The following SHISA6 variants were observed in gnomAD, a reference collection of about 807,000 sequenced individuals.
SHISA6 encodes protein shisa-6.
In SHISA6, 22 loss-of-function variants were observed where a neutral mutation model predicts 47.9. The observed-to-expected ratio is 0.46, with a 90% CI of 0.33 to 0.66. The LOEUF (loss-of-function observed/expected upper bound fraction) is 0.66, where lower values mean the gene tolerates loss of function less well. SHISA6 is among the 30% of genes least tolerant of loss of function. The probability of loss-of-function intolerance (pLI) is 0.02; values close to 1 mark genes in which losing one functional copy is unlikely to be tolerated. For synonymous variants in SHISA6, 388 were observed against 337.8 expected (o/e 1.15, Z -1.63); for missense variants, 680 against 764.6 (o/e 0.89, Z 1.30).
At chr17:11,481,336 ATGTGTGTGTGTG>A (rs3038693) in intron 3 of SHISA6, among the ~76,000 whole-genome samples, 10 of 141,496 alleles carry the variant, frequency 7.1e-5, no homozygotes, top group African/African-American at 2.2e-4. Context: ...AAAAATATAT[ATGTGTGTGTGTG>A]TGTGTGTGTG....
At chr17:11,276,491 G>A (rs1276194696) in intron 2 of SHISA6, among the ~76,000 whole-genome samples, 1 of 152,128 alleles carries the variant, frequency 6.6e-6, no homozygotes, top group Non-Finnish European at 1.5e-5. Context: ...ATGATACAGT[G>A]AACACCCATA....
intron 3 of SHISA6, among the ~76,000 whole-genome samples, chr17:11,452,753 C>G (rs1370370768): frequency 6.7e-6 from 1 of 149,726 alleles, no homozygotes; most frequent in Admixed American, 6.7e-5. Flanking sequence ...TACTCTACCT[C>G]CTTCTCTTAC....
intron 3 of SHISA6, among the ~76,000 whole-genome samples, chr17:11,423,306 A>G (rs1382556899): frequency 1.2e-4 from 18 of 147,152 alleles, no homozygotes; most frequent in African/African-American, 4.0e-4. Flanking sequence ...ACATATATCT[A>G]TATATGCCTG....
chr17:11,413,737 C>T (rs909032071), intron 3 of SHISA6, among the ~76,000 whole-genome samples: 1 of 152,152 alleles, frequency 6.6e-6, no homozygotes, highest in African/African-American at 2.4e-5. Flanking sequence ...CAAAGGAGGG[C>T]AGAGCCATGT....
intron 2 of SHISA6, among the ~76,000 whole-genome samples, chr17:11,286,346 C>G (rs772863893): frequency 6.6e-6 from 1 of 152,160 alleles, no homozygotes; most frequent in African/African-American, 2.4e-5. Context: ...TTTTGCTATT[C>G]TCTGCCCTAG....
intron 3 of SHISA6, among the ~76,000 whole-genome samples, chr17:11,530,906 C>T (rs534119647): frequency 7.5e-4 from 114 of 152,276 alleles, no homozygotes; most frequent in Non-Finnish European, 6.5e-4. Flanking sequence ...TGGAACTGCA[C>T]GGCAAATGGT....
intron 3 of SHISA6, among the ~76,000 whole-genome samples, chr17:11,519,754 C>T (rs908710590): frequency 2.2e-4 from 34 of 152,128 alleles, no homozygotes; most frequent in Non-Finnish European, 4.1e-4. Context: ...TGGTTTCCAC[C>T]TCCCCCACGC....
rs539815133 is a variant in SHISA6, at chr17:11,344,603, C to A, written c.800-34811C>A. On this transcript the variant is annotated intron_variant, in intron 2 of 5. Coordinates refer to ENST00000441885, the MANE Select transcript of SHISA6 (RefSeq NM_207386.4). ...ATGTAAGGGTTTATTTCTGGACTCTCTTGCCTATTTCATTAATCTATAGGT... is the reference window on the plus strand; with the variant it reads ...ATGTAAGGGTTTATTTCTGGACTCTATTGCCTATTTCATTAATCTATAGGT... Among the ~76,000 whole-genome samples, 3 of 152,210 alleles carry A rather than the reference C, an allele frequency of 2.0e-5. No homozygotes were observed. In the South Asian group the frequency reaches 6.2e-4, roughly 32 times the overall value.
intron 3 of SHISA6, among the ~76,000 whole-genome samples, chr17:11,462,876 C>T (rs1054926578): frequency 1.3e-5 from 2 of 152,284 alleles, no homozygotes; most frequent in South Asian, 2.1e-4. Flanking sequence ...GATCTGCCCA[C>T]CTTGGCCTCC....
chr17:11,424,544 T>C (rs1914552051), intron 3 of SHISA6, among the ~76,000 whole-genome samples: 1 of 151,888 alleles, frequency 6.6e-6, no homozygotes, highest in Non-Finnish European at 1.5e-5. Context: ...CCTGCAATTA[T>C]AAAGCCCAAT....
At chr17:11,354,189 A>G (rs1007249135) in intron 2 of SHISA6, among the ~76,000 whole-genome samples, 5 of 152,156 alleles carry the variant, frequency 3.3e-5, no homozygotes, top group African/African-American at 1.2e-4. Context: ...GCTCTGCACT[A>G]AAGTTTCTCA....
chr17:11,344,614 C>T (rs1245567820), intron 2 of SHISA6, among the ~76,000 whole-genome samples: 2 of 152,060 alleles, frequency 1.3e-5, no homozygotes, highest in African/African-American at 4.8e-5. Context: ...TTGCCTATTT[C>T]ATTAATCTAT....
intron 3 of SHISA6, among the ~76,000 whole-genome samples, chr17:11,386,029 G>A (rs563293741): frequency 3.3e-5 from 5 of 152,234 alleles, no homozygotes; most frequent in African/African-American, 1.2e-4. Flanking sequence ...GAGAATGGAT[G>A]ACGTCTGGGA....
chr17:11,286,171 T>G (rs1424392458), intron 2 of SHISA6, among the ~76,000 whole-genome samples: 2 of 151,934 alleles, frequency 1.3e-5, no homozygotes, highest in Non-Finnish European at 2.9e-5. Flanking sequence ...GGGGGCCTTG[T>G]TTTTCAGAGT....
At chr17:11,278,911 G>T (rs1374429033) in intron 2 of SHISA6, among the ~76,000 whole-genome samples, 3 of 152,244 alleles carry the variant, frequency 2.0e-5, no homozygotes, top group Non-Finnish European at 2.9e-5. Flanking sequence ...GTGGAGCTGG[G>T]TGGCCGAGGC....
intron 3 of SHISA6, among the ~76,000 whole-genome samples, chr17:11,474,496 G>T (rs1052449038): frequency 6.6e-6 from 1 of 151,674 alleles, no homozygotes; most frequent in African/African-American, 2.4e-5. Flanking sequence ...CAGAGTGTAA[G>T]GTTTGGATTG....
intron 2 of SHISA6, among the ~76,000 whole-genome samples, chr17:11,338,162 C>G (rs1244143346): frequency 6.6e-6 from 1 of 152,172 alleles, no homozygotes; most frequent in East Asian, 1.9e-4. Flanking sequence ...AAGCACACAG[C>G]AACCTCATGT....
At chr17:11,486,130 T>C (rs1456126455) in intron 3 of SHISA6, among the ~76,000 whole-genome samples, 1 of 152,230 alleles carries the variant, frequency 6.6e-6, no homozygotes, top group Non-Finnish European at 1.5e-5. Context: ...ACTGTGATTC[T>C]AAGCAGGTGA....
intron 2 of SHISA6, among the ~76,000 whole-genome samples, chr17:11,330,858 G>A (rs985419222): frequency 2.9e-4 from 44 of 152,222 alleles, no homozygotes; most frequent in African/African-American, 8.9e-4. Context: ...GTGGGGAAGC[G>A]CCTGACTTTT....
Sources: gnomAD v4.1 joint callset for allele counts (sites outside exome capture counted in the v4.1 genomes callset) on GRCh38, gnomAD v4.1.1 for gene constraint, MANE v1.5 for transcripts, NCBI Gene and HGNC (gene_info 2026-07-23, HGNC 2026-07-21) for gene names.